The following KSR2 variants were observed in gnomAD, a reference collection of about 807,000 sequenced individuals.
KSR2 encodes kinase suppressor of ras 2.
A neutral mutation model predicts 107.8 loss-of-function variants in KSR2; 25 were observed. The ratio of observed to expected loss-of-function variants is 0.23; its 90% CI spans 0.17 to 0.32. KSR2 has a LOEUF of 0.32. Among genes scored for constraint, KSR2 ranks in the 10% least tolerant of loss-of-function variants. The pLI is 1.00. For synonymous variants in KSR2, 480 were observed against 507.0 expected (o/e 0.95, Z 0.71); for missense variants, 887 against 1,268.9 (o/e 0.70, Z 4.57).
chr12:117,541,631 G>T (rs1039736628), intron 9 of KSR2, among the ~76,000 whole-genome samples: 1 of 152,060 alleles, frequency 6.6e-6, no homozygotes, highest in Non-Finnish European at 1.5e-5. Context: ...CATATGGACC[G>T]GGTACCCAAA....
intron 1 of KSR2, among the ~76,000 whole-genome samples, chr12:117,942,374 C>T (rs11068753): frequency 0.11 from 16,472 of 152,190 alleles, 1,084 homozygotes; most frequent in Admixed American, 0.16. Context: ...ACCCACTTCA[C>T]CTCTCCTTCC....
chr12:117,861,644 T>A (rs1422517056), intron 1 of KSR2, among the ~76,000 whole-genome samples: 1 of 151,736 alleles, frequency 6.6e-6, no homozygotes, highest in Non-Finnish European at 1.5e-5. Context: ...CGCCTCGGCC[T>A]CCCAAAGTGC....
At chr12:117,730,539 C>T (rs1223146690) in intron 4 of KSR2, among the ~76,000 whole-genome samples, 3 of 152,008 alleles carry the variant, frequency 2.0e-5, no homozygotes, top group Admixed American at 6.6e-5. Context: ...CCCCTTTCCA[C>T]GGTCTCCCTC....
At chr12:117,812,879 CA>C (rs1891247376) in intron 3 of KSR2, among the ~76,000 whole-genome samples, 2 of 108,096 alleles carry the variant, frequency 1.9e-5, no homozygotes, top group African/African-American at 8.9e-5. Context: ...GCAAAAAGAA[CA>C]AAGCTGGAGG....
At chr12:117,862,296 GT>G (rs1360815927) in intron 1 of KSR2, among the ~76,000 whole-genome samples, 1 of 152,044 alleles carries the variant, frequency 6.6e-6, no homozygotes, top group Non-Finnish European at 1.5e-5. Flanking sequence ...TTAGAATTAG[GT>G]ATGGAGGTGT....
At chr12:117,710,972 C>G (rs1886749115) in intron 4 of KSR2, among the ~76,000 whole-genome samples, 1 of 152,164 alleles carries the variant, frequency 6.6e-6, no homozygotes, top group Non-Finnish European at 1.5e-5. Context: ...TGTCTACAAT[C>G]CTTTAGCGCT....
At chr12:117,627,101 C>T (rs556725196) in intron 5 of KSR2, among the ~76,000 whole-genome samples, 21 of 151,648 alleles carry the variant, frequency 1.4e-4, no homozygotes, top group South Asian at 4.2e-4. Flanking sequence ...CGTCTTTACA[C>T]GTGATATGGG....
intron 5 of KSR2, among the ~76,000 whole-genome samples, chr12:117,663,922 C>T (rs546203575): frequency 6.6e-6 from 1 of 152,160 alleles, no homozygotes; most frequent in Non-Finnish European, 1.5e-5. Flanking sequence ...CATGGTGGCC[C>T]ACCCAAATGC....
intron 4 of KSR2, among the ~76,000 whole-genome samples, chr12:117,671,098 T>G (rs1191105849): frequency 6.6e-6 from 1 of 152,222 alleles, no homozygotes; most frequent in Non-Finnish European, 1.5e-5. Context: ...TCTTTGTATA[T>G]GCTGTCTCCA....
intron 1 of KSR2, among the ~76,000 whole-genome samples, chr12:117,965,832 T>C (rs556431940): frequency 1.3e-5 from 2 of 152,216 alleles, no homozygotes; most frequent in African/African-American, 2.4e-5. Flanking sequence ...AGCACCCTCA[T>C]ATGGTTTTGA....
intron 14 of KSR2, among the ~76,000 whole-genome samples, chr12:117,487,430 G>C (rs1872524496): frequency 6.6e-6 from 1 of 152,198 alleles, no homozygotes; most frequent in Non-Finnish European, 1.5e-5. Flanking sequence ...CAGTTGGCAG[G>C]AGGCAGCCCA....
chr12:117,861,503 C>T (rs1248469138), intron 1 of KSR2, among the ~76,000 whole-genome samples: 1 of 150,832 alleles, frequency 6.6e-6, no homozygotes, highest in Non-Finnish European at 1.5e-5. Flanking sequence ...ATTCTCCTGC[C>T]TCAGCCTCCC....
At chr12:117,871,848 G>C (rs1893664642) in intron 1 of KSR2, among the ~76,000 whole-genome samples, 1 of 151,860 alleles carries the variant, frequency 6.6e-6, no homozygotes. Flanking sequence ...TAAGAGAGGG[G>C]GTCTTGGTAT....
At chr12:117,918,119 G>A (rs1895235552) in intron 1 of KSR2, among the ~76,000 whole-genome samples, 1 of 152,208 alleles carries the variant, frequency 6.6e-6, no homozygotes, top group Non-Finnish European at 1.5e-5. Flanking sequence ...AGAGGAGGCT[G>A]AGAACTGACC....
intron 5 of KSR2, among the ~76,000 whole-genome samples, chr12:117,583,652 T>C (rs1879827630): frequency 6.6e-6 from 1 of 152,162 alleles, no homozygotes; most frequent in South Asian, 2.1e-4. Flanking sequence ...TGAGTTCTGG[T>C]TCTCCCAAAG....
chr12:117,967,929 G>A (rs1254521335), intron 1 of KSR2, 147 bp downstream of exon 1: 3 of 678,048 alleles, frequency 4.4e-6, no homozygotes, highest in Non-Finnish European at 7.5e-6. Context: ...AAAGCAAACC[G>A]TGCCCACCTT....
In KSR2 at chr12:117,855,180, C is replaced by A. The variant is rs992672725; in HGVS notation, c.472+248G>T. Among the ~76,000 whole-genome samples, 8 of 152,318 alleles carry A rather than the reference C, an allele frequency of 5.3e-5. No individual in the cohort carries two copies. The East Asian group carries it at 1.5e-3, about 29-fold the overall frequency. On this transcript the variant is annotated intron_variant, in intron 3 of 19. Coordinates refer to ENST00000339824, the MANE Select transcript of KSR2 (RefSeq NM_173598.6). The stretch of plus-strand genomic sequence containing the variant: ...TTTTCATATCTGGACCCTAATTATC[C>A]AGAACCAGATACCCTAAACCTCAGC...
chr12:117,688,302 C>A (rs1327184046), intron 4 of KSR2, among the ~76,000 whole-genome samples: 1 of 152,174 alleles, frequency 6.6e-6, no homozygotes, highest in Non-Finnish European at 1.5e-5. Flanking sequence ...ATCGCTTGAA[C>A]CCGGGAGGCG....
chr12:117,901,427 C>T (rs761273052), intron 1 of KSR2, among the ~76,000 whole-genome samples: 4 of 151,614 alleles, frequency 2.6e-5, no homozygotes, highest in African/African-American at 4.8e-5. Context: ...CTCAGCCTCC[C>T]GAGTAGCTGG....
Sources: gnomAD v4.1 joint callset for allele counts (sites outside exome capture counted in the v4.1 genomes callset) on GRCh38, gnomAD v4.1.1 for gene constraint, MANE v1.5 for transcripts, NCBI Gene and HGNC (gene_info 2026-07-23, HGNC 2026-07-21) for gene names.